OR6N1: variants seen among roughly 807,000 people sequenced by gnomAD.
OR6N1 encodes olfactory receptor family 6 subfamily N member 1, also known as olfactory receptor 6N1.
For synonymous variants in OR6N1, 170 were observed against 150.7 expected, an observed-to-expected ratio of 1.13 and a Z score of -0.94; for missense variants, 394 against 371.7, an observed-to-expected ratio of 1.06 and a Z score of -0.49.
the OR6N1 span, among the ~76,000 whole-genome samples, chr1:158,834,951 A>C: frequency 6.6e-6 from 1 of 152,184 alleles, no homozygotes; most frequent in African/African-American, 2.4e-5. Context: ...TTTCTATGCT[A>C]TCTATCATAT....
the OR6N1 span, among the ~76,000 whole-genome samples, chr1:158,820,929 T>A: frequency 1.3e-5 from 2 of 152,190 alleles, no homozygotes; most frequent in African/African-American, 4.8e-5. Context: ...AATCAGGGGA[T>A]ATGAAAAAGA....
At chr1:158,775,979 A>G (rs1485343178), upstream of OR6N1, 3 of 152,210 alleles carry the variant, frequency 2.0e-5, no homozygotes, top group African/African-American at 7.2e-5. Flanking sequence ...ATCTCAGAGA[A>G]AAATTGTGGT....
the OR6N1 span, among the ~76,000 whole-genome samples, chr1:158,815,337 A>G: frequency 6.6e-6 from 1 of 152,196 alleles, no homozygotes; most frequent in Non-Finnish European, 1.5e-5. Flanking sequence ...TCATTGCCCT[A>G]TACAACCTCA....
chr1:158,783,894 C>T, the OR6N1 span, among the ~76,000 whole-genome samples: 2 of 152,154 alleles, frequency 1.3e-5, no homozygotes, highest in African/African-American at 2.4e-5. Context: ...ATCACGAGGT[C>T]AGGAGATCGA....
rs1657228784 is a variant in OR6N1 at position 158,765,595 on chromosome 1, T to C, written c.*149A>G. 5 of 675,808 alleles carry C rather than the reference T, an allele frequency of 7.4e-6. No individual in the cohort carries two copies. In the South Asian group the frequency reaches 9.3e-5, roughly 13 times the overall value. The allele number at this position is 675,808 out of a possible 1,614,324, so 41.9% of individuals were successfully genotyped here. A position where few individuals can be genotyped will look rare whatever the true frequency, so the allele number is the denominator to read the frequency against. On this transcript the variant is annotated 3_prime_UTR_variant, in exon 2 of 2. Transcript: ENST00000641846. ...CTCCAGCAGACAGTATGAAGGTCGCTATAACACTGGAAGTCAGTCAGCACT... is the reference window on the plus strand; with the variant it reads ...CTCCAGCAGACAGTATGAAGGTCGCCATAACACTGGAAGTCAGTCAGCACT...
the OR6N1 span, among the ~76,000 whole-genome samples, chr1:158,796,777 C>T: frequency 1.3e-5 from 2 of 151,938 alleles, no homozygotes; most frequent in African/African-American, 2.4e-5. Flanking sequence ...TGTGTATGTA[C>T]ATTTGTCTTT....
chr1:158,814,891 C>T, the OR6N1 span, among the ~76,000 whole-genome samples: 2 of 152,074 alleles, frequency 1.3e-5, no homozygotes, highest in African/African-American at 2.4e-5. Flanking sequence ...CTGAGGTATA[C>T]AGAAAGGCTG....
At chr1:158,780,034 A>C in the OR6N1 span, among the ~76,000 whole-genome samples, 1 of 152,130 alleles carries the variant, frequency 6.6e-6, no homozygotes, top group African/African-American at 2.4e-5. Context: ...TTTAAGTTAC[A>C]TTTTCTCTTT....
At chr1:158,805,335 CA>C in the OR6N1 span, among the ~76,000 whole-genome samples, 2 of 152,138 alleles carry the variant, frequency 1.3e-5, no homozygotes, top group African/African-American at 2.4e-5. Context: ...GAGAAGTGGC[CA>C]AAAGTTGGAC....
chr1:158,765,900 C>G lies in OR6N1; in HGVS notation c.783G>C (p.Gln261His). 4.3e-6 allele frequency: 7 copies of G among 1,614,106 alleles called. No homozygotes were observed. The highest frequency in any genetic ancestry group is 1.3e-5 in the African/African-American group (1 of 75,040). ...FYGSILSMYV[Q>H]LKKSYSLDYD... is the part of the protein sequence containing the mutation. ...AGTCCAGTGAGTAGCTCTTCTTCAG[C>G]TGCACATACATGGAAAGGATGCTCC... The change falls in exon 2 of 2, where the codon CAG (glutamine) becomes CAC (histidine). Residue 261 changes from glutamine (Q) to histidine (H), a missense_variant. By Grantham distance (24) the Gln-to-His change is conservative (BLOSUM62 0). Transcript: ENST00000641846.
intron 1 of OR6N1, among the ~76,000 whole-genome samples, chr1:158,771,810 G>A (rs2102010796): frequency 6.6e-6 from 1 of 152,266 alleles, no homozygotes; most frequent in Non-Finnish European, 1.5e-5. Context: ...TAAAAATATA[G>A]CCAATTTACT....
At chr1:158,812,711 A>C in the OR6N1 span, among the ~76,000 whole-genome samples, 1 of 152,256 alleles carries the variant, frequency 6.6e-6, no homozygotes, top group Admixed American at 6.5e-5. Flanking sequence ...AAATTTTTTC[A>C]TCTAAATATT....
At chr1:158,806,736 GT>G in the OR6N1 span, among the ~76,000 whole-genome samples, 6 of 151,838 alleles carry the variant, frequency 4.0e-5, no homozygotes, top group African/African-American at 1.5e-4. Flanking sequence ...GAGAGCTTAT[GT>G]TTTTTGCCCA....
At chr1:158,796,283 AG>A in the OR6N1 span, 3 of 152,254 alleles carry the variant, frequency 2.0e-5, no homozygotes, top group Admixed American at 6.5e-5. Context: ...GTACCTTAAA[AG>A]TACATCAGTT....
the OR6N1 span, among the ~76,000 whole-genome samples, chr1:158,827,417 T>G: frequency 6.6e-6 from 1 of 152,214 alleles, no homozygotes; most frequent in Non-Finnish European, 1.5e-5. Context: ...CTGATTGACT[T>G]AAGTAAATAA....
At position 158,765,757 on chromosome 1, in the gene OR6N1, C is replaced by T; in HGVS notation, c.926G>A (p.Gly309Glu). ...CTCAGCCCCAACTCATGCCAATATCCCAATTCTCTTTAGCTGCCTCCTCAC... is the reference window on the plus strand; with the variant it reads ...CTCAGCCCCAACTCATGCCAATATCTCAATTCTCTTTAGCTGCCTCCTCAC... ...EAVRRQLKRIGILA is the reference protein window; with the variant it reads ...EAVRRQLKRIEILA Residue 309 changes from glycine (G) to glutamate (E), a missense_variant, in exon 2 of 2, where the codon GGG (glycine) becomes GAG (glutamate). Coordinates refer to ENST00000641846, the MANE Select transcript of OR6N1 (RefSeq NM_001005185.2). 2 of 1,613,114 alleles carry T rather than the reference C, an allele frequency of 1.2e-6. No individual in the cohort carries two copies. The highest frequency in any genetic ancestry group is 2.7e-5 in the African/African-American group (2 of 75,048).
the OR6N1 span, among the ~76,000 whole-genome samples, chr1:158,799,232 T>C: frequency 2.0e-5 from 3 of 152,224 alleles, no homozygotes; most frequent in African/African-American, 7.2e-5. Context: ...TTAAAAAGAC[T>C]GTATGATTTG....
upstream of OR6N1, chr1:158,775,316 G>A (rs1240006383): frequency 6.6e-6 from 1 of 152,140 alleles, no homozygotes; most frequent in Admixed American, 6.5e-5. Flanking sequence ...CAAATGAAAT[G>A]TTGGGGAAAA....
At chr1:158,793,417 T>C in the OR6N1 span, among the ~76,000 whole-genome samples, 3 of 152,210 alleles carry the variant, frequency 2.0e-5, no homozygotes, top group Non-Finnish European at 2.9e-5. Flanking sequence ...CTTCTAATTA[T>C]TTTTCAACTT....
Sources: gnomAD v4.1 joint callset for allele counts (sites outside exome capture counted in the v4.1 genomes callset) on GRCh38, gnomAD v4.1.1 for gene constraint, MANE v1.5 for transcripts, NCBI Gene and HGNC (gene_info 2026-07-23, HGNC 2026-07-21) for gene names.